The following PLCB4 variants were observed in gnomAD, a reference collection of about 807,000 sequenced individuals.
The protein encoded by PLCB4 is 1-phosphatidylinositol 4,5-bisphosphate phosphodiesterase beta-4.
PLCB4 carries 77 observed loss-of-function variants against 178.8 expected under a neutral mutation model. That is an observed-to-expected ratio of 0.43 (90% CI 0.36 to 0.52). The LOEUF (loss-of-function observed/expected upper bound fraction) is 0.52. Among genes scored for constraint, PLCB4 ranks in the 20% least tolerant of loss-of-function variants. PLCB4 has a pLI of 0.00. For missense variants in PLCB4, 1,024 were observed against 1,453.4 expected (o/e 0.70, Z 4.80); for synonymous variants, 496 against 490.8 (o/e 1.01, Z -0.14).
intron 2 of PLCB4, among the ~76,000 whole-genome samples, chr20:9,179,166 T>G (rs2093204271): frequency 6.6e-6 from 1 of 152,186 alleles, no homozygotes; most frequent in African/African-American, 2.4e-5. Context: ...AATAGGGGAC[T>G]GTTTGATAAG....
intron 2 of PLCB4, among the ~76,000 whole-genome samples, chr20:9,104,212 A>G (rs1053730239): frequency 1.3e-5 from 2 of 152,116 alleles, no homozygotes; most frequent in Admixed American, 6.5e-5. Flanking sequence ...AGAACTAGGG[A>G]TTTCCGTCAT....
rs186183074 is a variant in PLCB4 at position 9,353,850 on chromosome 20, G to T, written c.370-9046G>T. Among the ~76,000 whole-genome samples the T allele has an allele frequency of 2.0e-5, 3 of 152,278 alleles. No homozygotes were observed. In the East Asian group the frequency reaches 5.8e-4, roughly 29 times the overall value. ...TTCTGATATACCCCAATTTTAAGAA[G>T]TAGACCTCTGTCTGGTTTCTGTACT... On this transcript the variant is annotated intron_variant, in intron 7 of 39. Coordinates refer to ENST00000378473, the MANE Select transcript of PLCB4 (RefSeq NM_001377142.1).
chr20:9,421,308 T>C lies in PLCB4; in HGVS notation c.2166T>C (p.Gly722=), dbSNP rs762276196. 1.7e-5 allele frequency: 28 copies of C among 1,613,452 alleles called. No individual in the cohort carries two copies. Among genetic ancestry groups the C allele is most frequent in the African/African-American group, 2.7e-5 (2 of 75,026 alleles). ...TCGTGCTGCTACAGGTTATATCAGG[T>C]CAATTCTTATCAGATAAGAAAATTG... ...AATCSVQVIS[G]QFLSDKKIGT... Residue 722 remains glycine (G), a synonymous_variant, in exon 27 of 40, where the codon GGT becomes GGC. Coordinates refer to ENST00000378473, the MANE Select transcript of PLCB4 (RefSeq NM_001377142.1).
chr20:9,120,815 C>T (rs920985021), intron 2 of PLCB4, among the ~76,000 whole-genome samples: 11 of 152,158 alleles, frequency 7.2e-5, no homozygotes, highest in Non-Finnish European at 1.0e-4. Flanking sequence ...ATGAGGTCTC[C>T]ACCTCACTCC....
intron 2 of PLCB4, among the ~76,000 whole-genome samples, chr20:9,101,188 A>T (rs183961925): frequency 6.6e-6 from 1 of 152,144 alleles, no homozygotes. Flanking sequence ...CTCCATTTGT[A>T]TGTAGGTGAG....
chr20:9,282,403 A>T (rs531999839), intron 3 of PLCB4, among the ~76,000 whole-genome samples: 24 of 152,148 alleles, frequency 1.6e-4, no homozygotes, highest in African/African-American at 5.5e-4. Flanking sequence ...TTACAGTTTT[A>T]TGTACTTCAG....
intron 2 of PLCB4, among the ~76,000 whole-genome samples, chr20:9,101,079 A>G (rs2091131709): frequency 6.6e-6 from 1 of 152,184 alleles, no homozygotes; most frequent in African/African-American, 2.4e-5. Flanking sequence ...CCCCAGGGAC[A>G]GAGGTTGCCT....
intron 3 of PLCB4, among the ~76,000 whole-genome samples, chr20:9,306,525 T>C (rs987129957): frequency 2.0e-5 from 3 of 152,198 alleles, no homozygotes; most frequent in Non-Finnish European, 2.9e-5. Context: ...AAATTTCTAG[T>C]ATCTGTGGTT....
intron 28 of PLCB4, among the ~76,000 whole-genome samples, chr20:9,430,733 A>C (rs558037179): frequency 6.6e-6 from 1 of 152,296 alleles, no homozygotes; most frequent in Non-Finnish European, 1.5e-5. Flanking sequence ...AAACAAGACA[A>C]TATGTGGATT....
intron 3 of PLCB4, among the ~76,000 whole-genome samples, chr20:9,239,900 AAGCATCT>A (rs1314323135): frequency 3.3e-5 from 5 of 152,172 alleles, no homozygotes; most frequent in African/African-American, 9.7e-5. Flanking sequence ...CAAGGGCAGG[AAGCATCT>A]AGCACAGGAG....
chr20:9,358,332 A>G (rs965694145), intron 7 of PLCB4, among the ~76,000 whole-genome samples: 27 of 152,230 alleles, frequency 1.8e-4, no homozygotes, highest in African/African-American at 6.3e-4. Context: ...TTCTGTGAAA[A>G]CAGAGAGCCA....
chr20:9,183,180 A>G (rs2147099471), intron 2 of PLCB4, among the ~76,000 whole-genome samples: 1 of 152,220 alleles, frequency 6.6e-6, no homozygotes, highest in South Asian at 2.1e-4. Flanking sequence ...CAGCCCAGGG[A>G]AGCCTGGGGC....
At chr20:9,199,241 G>T (rs184233315) in intron 2 of PLCB4, among the ~76,000 whole-genome samples, 143 of 152,254 alleles carry the variant, frequency 9.4e-4, no homozygotes, top group Non-Finnish European at 1.8e-3. Flanking sequence ...CAAGTCCCTA[G>T]AATCATAACT....
At chr20:9,155,065 G>T (rs191606566) in intron 2 of PLCB4, among the ~76,000 whole-genome samples, 10 of 151,274 alleles carry the variant, frequency 6.6e-5, no homozygotes, top group Non-Finnish European at 1.2e-4. Flanking sequence ...AGTGTACATT[G>T]TACTTAATAG....
intron 7 of PLCB4, among the ~76,000 whole-genome samples, chr20:9,360,083 C>G (rs142574815): frequency 2.6e-5 from 4 of 152,204 alleles, no homozygotes; most frequent in African/African-American, 9.7e-5. Context: ...ATCCCCAACA[C>G]GAAGAATGTA....
At chr20:9,312,144 A>G (rs1222334647) in intron 4 of PLCB4, among the ~76,000 whole-genome samples, 2 of 152,078 alleles carry the variant, frequency 1.3e-5, no homozygotes, top group Non-Finnish European at 2.9e-5. Flanking sequence ...TCTTAGGGGC[A>G]GCCAGAGCAG....
chr20:9,128,747 A>G (rs1600604347), intron 2 of PLCB4, among the ~76,000 whole-genome samples: 1 of 152,188 alleles, frequency 6.6e-6, no homozygotes, highest in East Asian at 1.9e-4. Context: ...ACAGAATTGC[A>G]CAACCATCAT....
chr20:9,330,760 C>T (rs907354006), intron 4 of PLCB4, among the ~76,000 whole-genome samples: 4 of 152,160 alleles, frequency 2.6e-5, no homozygotes, highest in African/African-American at 4.8e-5. Flanking sequence ...TCATGGTGAA[C>T]GTATTGGGCA....
At chr20:9,361,162 C>T (rs555405207) in intron 7 of PLCB4, among the ~76,000 whole-genome samples, 1 of 152,212 alleles carries the variant, frequency 6.6e-6, no homozygotes, top group African/African-American at 2.4e-5. Context: ...CCAGAAGTTC[C>T]ACATCTGGTT....
Sources: gnomAD v4.1 joint callset for allele counts (sites outside exome capture counted in the v4.1 genomes callset) on GRCh38, gnomAD v4.1.1 for gene constraint, MANE v1.5 for transcripts, NCBI Gene and HGNC (gene_info 2026-07-23, HGNC 2026-07-21) for gene names.